Variants in ZNF385B observed in about 807,000 individuals in gnomAD.
ZNF385B encodes zinc finger protein 533.
Under a neutral mutation model 39.2 loss-of-function variants are expected in ZNF385B, and 23 were observed. The ratio of observed to expected loss-of-function variants is 0.59; its 90% confidence interval spans 0.42 to 0.83. The LOEUF (loss-of-function observed/expected upper bound fraction) is 0.83, where lower values mean the gene tolerates loss of function less well. Ranked by LOEUF, ZNF385B falls within the 40% of genes least tolerant of loss-of-function variation. The pLI is 0.00. For synonymous variants in ZNF385B, 205 were observed against 222.6 expected (o/e 0.92, Z 0.70); for missense variants, 552 against 598.9 (o/e 0.92, Z 0.82).
At chr2:179,818,156 G>A (rs1707186313) in intron 1 of ZNF385B, among the ~76,000 whole-genome samples, 2 of 152,132 alleles carry the variant, frequency 1.3e-5, no homozygotes, top group Non-Finnish European at 1.5e-5. Flanking sequence ...CTGGGAGGAG[G>A]AACTAGAGAG....
intron 3 of ZNF385B, among the ~76,000 whole-genome samples, chr2:179,724,259 A>C (rs1575349301): frequency 1.3e-5 from 2 of 152,294 alleles, no homozygotes; most frequent in East Asian, 3.9e-4. Flanking sequence ...CAGTGAGCCA[A>C]GATTGCGCCA....
intron 1 of ZNF385B, among the ~76,000 whole-genome samples, chr2:179,810,883 A>T (rs929191251): frequency 6.6e-6 from 1 of 152,068 alleles, no homozygotes; most frequent in Admixed American, 6.5e-5. Flanking sequence ...TCCTCACTGA[A>T]GATATGATTT....
In ZNF385B at chr2:179,450,960, T is replaced by G. The variant is rs538292736; in HGVS notation, c.716-4190A>C. ...TTCATGTCCTTTGCAGGGACATGGA[T>G]GAAGCTGGAAACCATCATTCTCAGC... is the stretch of plus-strand genomic sequence containing the variant. On this transcript the variant is annotated intron_variant, in intron 6 of 9. Transcript: ENST00000410066. Among the ~76,000 whole-genome samples the G allele has an allele frequency of 7.9e-5, 12 of 151,956 alleles. No individual in the cohort carries two copies. In the East Asian group the frequency reaches 2.3e-3, roughly 29 times the overall value.
intron 3 of ZNF385B, among the ~76,000 whole-genome samples, chr2:179,631,587 T>C (rs116335857): frequency 0.019 from 2,883 of 152,276 alleles, 82 homozygotes; most frequent in African/African-American, 0.065. Context: ...TAAAGACCCA[T>C]TGATGCTATG....
At chr2:179,785,967 G>A (rs1238595455) in intron 1 of ZNF385B, among the ~76,000 whole-genome samples, 1 of 152,118 alleles carries the variant, frequency 6.6e-6, no homozygotes, top group Non-Finnish European at 1.5e-5. Flanking sequence ...GAAAGAAAGA[G>A]TACATCGATG....
chr2:179,458,024 T>C (rs1020770144), intron 6 of ZNF385B, among the ~76,000 whole-genome samples: 1 of 152,250 alleles, frequency 6.6e-6, no homozygotes, highest in African/African-American at 2.4e-5. Flanking sequence ...AGACTAAGAA[T>C]GCTTAGTTTT....
intron 3 of ZNF385B, among the ~76,000 whole-genome samples, chr2:179,583,526 C>G (rs957505985): frequency 1.3e-5 from 2 of 152,066 alleles, no homozygotes; most frequent in African/African-American, 2.4e-5. Flanking sequence ...ATTAGTGAGG[C>G]TAAGATTCTT....
chr2:179,810,255 C>A (rs1283339152), intron 1 of ZNF385B, among the ~76,000 whole-genome samples: 1 of 151,504 alleles, frequency 6.6e-6, no homozygotes, highest in Non-Finnish European at 1.5e-5. Context: ...AGCAAAATGA[C>A]TTTAAAAAGA....
At chr2:179,718,828 T>C (rs1182499658) in intron 3 of ZNF385B, among the ~76,000 whole-genome samples, 3 of 128,554 alleles carry the variant, frequency 2.3e-5, no homozygotes, top group African/African-American at 8.0e-5. Flanking sequence ...CCTGTATCTA[T>C]TAAAAAAAAA....
chr2:179,643,759 T>A (rs1692471725), intron 3 of ZNF385B, among the ~76,000 whole-genome samples: 1 of 152,072 alleles, frequency 6.6e-6, no homozygotes, highest in African/African-American at 2.4e-5. Context: ...AAATAAGTTT[T>A]TAGAGTGATG....
intron 1 of ZNF385B, among the ~76,000 whole-genome samples, chr2:179,799,710 G>GA (rs551243305): frequency 2.0e-4 from 31 of 152,076 alleles, no homozygotes; most frequent in Admixed American, 1.3e-3. Context: ...ACTATTGTGG[G>GA]AAAAAATAAT....
chr2:179,740,901 T>C (rs1184751202), intron 3 of ZNF385B, among the ~76,000 whole-genome samples: 1 of 151,920 alleles, frequency 6.6e-6, no homozygotes, highest in Non-Finnish European at 1.5e-5. Flanking sequence ...CAGATTGAAA[T>C]AAGGGTATAG....
intron 4 of ZNF385B, among the ~76,000 whole-genome samples, chr2:179,527,377 T>C (rs1221312171): frequency 6.6e-6 from 1 of 152,196 alleles, no homozygotes; most frequent in Non-Finnish European, 1.5e-5. Flanking sequence ...TCCATATTGT[T>C]AGGTCTCCTT....
chr2:179,688,963 T>C, intron 3 of ZNF385B, among the ~76,000 whole-genome samples: 1 of 152,166 alleles, frequency 6.6e-6, no homozygotes, highest in East Asian at 1.9e-4. Context: ...AAGAAATATG[T>C]TGAATATTTG....
chr2:179,455,243 T>C (rs1454214396), intron 6 of ZNF385B, among the ~76,000 whole-genome samples: 10 of 152,060 alleles, frequency 6.6e-5, no homozygotes, highest in Non-Finnish European at 1.5e-4. Flanking sequence ...GTTATATAGG[T>C]GTGTAGCATA....
intron 3 of ZNF385B, among the ~76,000 whole-genome samples, chr2:179,546,793 G>A (rs925483163): frequency 2.2e-5 from 3 of 138,530 alleles, no homozygotes; most frequent in African/African-American, 8.8e-5. Flanking sequence ...AGTTTTTTGA[G>A]GAATAACCAA....
At chr2:179,634,293 C>T (rs995569470) in intron 3 of ZNF385B, among the ~76,000 whole-genome samples, 1 of 152,102 alleles carries the variant, frequency 6.6e-6, no homozygotes, top group African/African-American at 2.4e-5. Flanking sequence ...AAAATTTTTA[C>T]CATCTACTCA....
chr2:179,515,899 T>A (rs1196952652), intron 5 of ZNF385B, among the ~76,000 whole-genome samples: 1 of 152,150 alleles, frequency 6.6e-6, no homozygotes, highest in Non-Finnish European at 1.5e-5. Flanking sequence ...TTCAAAAACG[T>A]TCCTGCATTT....
At chr2:179,473,380 A>G (rs1037091390) in intron 6 of ZNF385B, among the ~76,000 whole-genome samples, 3 of 152,214 alleles carry the variant, frequency 2.0e-5, no homozygotes, top group African/African-American at 4.8e-5. Context: ...CAGGACCTGG[A>G]AATTTCTTTG....
Sources: allele counts gnomAD v4.1 joint callset (sites outside exome capture counted in the v4.1 genomes callset), GRCh38; gene constraint gnomAD v4.1.1; transcripts MANE v1.5; gene names NCBI Gene and HGNC (gene_info 2026-07-23, HGNC 2026-07-21).